SHROOM4: variants seen among roughly 807,000 people sequenced by gnomAD.
The protein encoded by SHROOM4 is shroom family member 4, also known as protein Shroom4.
A neutral mutation model predicts 80.3 loss-of-function variants in SHROOM4; 17 were observed. The ratio of observed to expected loss-of-function variants is 0.21; its 90% CI spans 0.14 to 0.32. The LOEUF is 0.32. SHROOM4 is among the 10% of genes least tolerant of loss of function. The probability of loss-of-function intolerance (pLI) is 1.00; values close to 1 mark genes in which losing one functional copy is unlikely to be tolerated. For synonymous variants in SHROOM4, 400 were observed against 437.5 expected, an observed-to-expected ratio of 0.91 and a Z score of 1.07; for missense variants, 993 against 1,140.3, an observed-to-expected ratio of 0.87 and a Z score of 1.86.
chrX:50,739,519 A>T (rs1269644795), intron 1 of SHROOM4, among the ~76,000 whole-genome samples: 2 of 111,562 alleles, frequency 1.8e-5, no homozygotes, highest in Admixed American at 1.9e-4. Context: ...AAAGTGGGTG[A>T]AGGATATGAA....
intron 1 of SHROOM4, among the ~76,000 whole-genome samples, chrX:50,760,660 G>A (rs1413653733): frequency 1.8e-5 from 2 of 111,281 alleles, no homozygotes; most frequent in African/African-American, 3.3e-5. Context: ...GTTTTAATAC[G>A]TATTTTGTGT....
downstream of SHROOM4, among the ~76,000 whole-genome samples, chrX:50,583,752 A>T (rs1458105281): frequency 9.0e-6 from 1 of 111,331 alleles, no homozygotes; most frequent in African/African-American, 3.3e-5. Context: ...CCACAAGAAA[A>T]TGTATCTGCC....
At chrX:50,735,051 C>G (rs1424092292) in intron 1 of SHROOM4, among the ~76,000 whole-genome samples, 5 of 111,203 alleles carry the variant, frequency 4.5e-5, no homozygotes, top group Non-Finnish European at 9.4e-5. Flanking sequence ...CAGCTGAGAA[C>G]AGACTAGTAC....
At chrX:50,686,130 C>A (rs1482790616) in intron 2 of SHROOM4, among the ~76,000 whole-genome samples, 1 of 110,480 alleles carries the variant, frequency 9.1e-6, no homozygotes, top group African/African-American at 3.3e-5. Context: ...CCCGGGTTCA[C>A]GCCATTCTCC....
chrX:50,725,811 G>A (rs2147527821), intron 1 of SHROOM4, among the ~76,000 whole-genome samples: 1 of 112,146 alleles, frequency 8.9e-6, no homozygotes, highest in Admixed American at 9.4e-5. Flanking sequence ...GACTAATATA[G>A]AAAATTGGTA....
chrX:50,763,917 T>C (rs1416148471), intron 1 of SHROOM4, among the ~76,000 whole-genome samples: 2 of 111,722 alleles, frequency 1.8e-5, no homozygotes, highest in African/African-American at 6.5e-5. Context: ...TAGCTGTCTC[T>C]CCCCTTGATT....
intron 1 of SHROOM4, among the ~76,000 whole-genome samples, chrX:50,792,763 G>T (rs1437247613): frequency 3.7e-5 from 4 of 107,708 alleles, no homozygotes; most frequent in African/African-American, 1.0e-4. Flanking sequence ...ACCACAATGA[G>T]ATATCACCTG....
chrX:50,577,952 A>T, the SHROOM4 span, among the ~76,000 whole-genome samples: 1 of 112,090 alleles, frequency 8.9e-6, no homozygotes, highest in Non-Finnish European at 1.9e-5. Flanking sequence ...AGCCTTGATC[A>T]TATCAGTTGC....
intron 7 of SHROOM4, among the ~76,000 whole-genome samples, chrX:50,601,224 C>G (rs1048881658): frequency 8.9e-5 from 10 of 112,344 alleles, no homozygotes; most frequent in Non-Finnish European, 1.7e-4. Flanking sequence ...CTTTAGTTCA[C>G]TTTCTGTCGT....
intron 1 of SHROOM4, among the ~76,000 whole-genome samples, chrX:50,765,617 C>T (rs144517577): frequency 4.7e-3 from 525 of 111,955 alleles, no homozygotes; most frequent in South Asian, 0.015. Flanking sequence ...TTATAGAGAT[C>T]AGTCAGACAC....
At chrX:50,730,609 CTACAAAAA>C (rs1557266221) in intron 1 of SHROOM4, among the ~76,000 whole-genome samples, 1 of 109,264 alleles carries the variant, frequency 9.2e-6, no homozygotes, top group Non-Finnish European at 1.9e-5. Context: ...AACTCCATCT[CTACAAAAA>C]TACAAAAATT....
chrX:50,650,647 C>T (rs183450160), intron 2 of SHROOM4, among the ~76,000 whole-genome samples: 2,716 of 111,478 alleles, frequency 0.024, 71 homozygotes, highest in African/African-American at 0.08. Flanking sequence ...CGTGAGCCAC[C>T]GCAACCAGCC....
intron 2 of SHROOM4, 136 bp from the exon 3 acceptor site, chrX:50,638,444 T>C (rs1429466399): frequency 2.6e-6 from 2 of 774,032 alleles, no homozygotes; most frequent in South Asian, 2.6e-5. Flanking sequence ...GGAATCTTAG[T>C]GGCCCTCCTG....
chrX:50,736,565 A>G (rs929595968), intron 1 of SHROOM4, among the ~76,000 whole-genome samples: 6 of 112,014 alleles, frequency 5.4e-5, no homozygotes, highest in African/African-American at 1.9e-4. Flanking sequence ...AGCTCCATCC[A>G]TGTCCCTGCA....
At chrX:50,582,231 G>C (rs1928678983), downstream of SHROOM4, among the ~76,000 whole-genome samples, 1 of 111,790 alleles carries the variant, frequency 8.9e-6, no homozygotes, top group Admixed American at 9.5e-5. Flanking sequence ...ACTAGAGTGA[G>C]CTTGGAAGTG....
chrX:50,715,673 C>CA (rs1933931861), intron 1 of SHROOM4, among the ~76,000 whole-genome samples: 1 of 110,411 alleles, frequency 9.1e-6, no homozygotes, highest in South Asian at 4.0e-4. Flanking sequence ...TGGCTACTAT[C>CA]AAAAAAACAA....
chrX:50,583,014 GGATT>G (rs1928693083), downstream of SHROOM4, among the ~76,000 whole-genome samples: 1 of 107,516 alleles, frequency 9.3e-6, no homozygotes. Flanking sequence ...ATTTTTCAAC[GGATT>G]GACAGAATTA....
intron 5 of SHROOM4, among the ~76,000 whole-genome samples, chrX:50,621,273 GCT>G (rs1283349057): frequency 5.4e-5 from 6 of 111,720 alleles, no homozygotes; most frequent in African/African-American, 2.0e-4. Context: ...GTTTCTAGAA[GCT>G]CTTTTTTAAT....
At chrX:50,755,460 G>C (rs1372725753) in intron 1 of SHROOM4, among the ~76,000 whole-genome samples, 1 of 111,239 alleles carries the variant, frequency 9.0e-6, no homozygotes, top group Non-Finnish European at 1.9e-5. Flanking sequence ...ATAGCTACTC[G>C]GTCCTTCTCT....
Sources: gnomAD v4.1 joint callset for allele counts (sites outside exome capture counted in the v4.1 genomes callset) on GRCh38, gnomAD v4.1.1 for gene constraint, MANE v1.5 for transcripts, NCBI Gene and HGNC (gene_info 2026-07-23, HGNC 2026-07-21) for gene names.